Variants in ZNF624 observed in about 807,000 individuals in gnomAD.
The protein encoded by ZNF624 is zinc finger protein 624.
Under a neutral mutation model 74.7 loss-of-function variants are expected in ZNF624, and 43 were observed. The ratio of observed to expected loss-of-function variants is 0.58; its 90% CI spans 0.45 to 0.74. The LOEUF (loss-of-function observed/expected upper bound fraction) is 0.74. Among genes scored for constraint, ZNF624 ranks in the 30% least tolerant of loss-of-function variants. ZNF624 has a pLI of 0.00. For synonymous variants in ZNF624, 331 were observed against 341.3 expected (o/e 0.97, Z 0.33); for missense variants, 820 against 1,030.0 (o/e 0.80, Z 2.79).
chr17:16,638,859 TAATAA>T (rs1287619898), intron 3 of ZNF624, among the ~76,000 whole-genome samples: 4 of 152,142 alleles, frequency 2.6e-5, no homozygotes, highest in African/African-American at 4.8e-5. Context: ...AGTATAACAA[TAATAA>T]AATAAAATAA....
intron 3 of ZNF624, among the ~76,000 whole-genome samples, chr17:16,644,221 A>C (rs1909534587): frequency 6.6e-6 from 1 of 152,210 alleles, no homozygotes; most frequent in South Asian, 2.1e-4. Flanking sequence ...TTCTTTATAA[A>C]TTACCCACTC....
chr17:16,649,158 A>T (rs1462118925), intron 2 of ZNF624, among the ~76,000 whole-genome samples: 3 of 152,214 alleles, frequency 2.0e-5, no homozygotes. Context: ...AGAGCCAAGC[A>T]CTGTCTTAAA....
intron 3 of ZNF624, among the ~76,000 whole-genome samples, chr17:16,635,648 A>G (rs1909311041): frequency 1.3e-5 from 2 of 152,142 alleles, no homozygotes; most frequent in African/African-American, 2.4e-5. Flanking sequence ...CAAAACCACA[A>G]TGTTTTCAGT....
chr17:16,629,591 C>T (rs1196778815), intron 5 of ZNF624, among the ~76,000 whole-genome samples: 1 of 149,594 alleles, frequency 6.7e-6, no homozygotes, highest in Admixed American at 6.7e-5. Context: ...ATTTTGAGAC[C>T]GAGTCTCACT....
At chr17:16,642,678 T>G (rs186584070) in intron 3 of ZNF624, among the ~76,000 whole-genome samples, 647 of 152,256 alleles carry the variant, frequency 4.2e-3, no homozygotes, top group Middle Eastern at 0.02. Flanking sequence ...AGGACTTCAT[T>G]AAAATTAAAA....
At chr17:16,642,504 A>C in intron 3 of ZNF624, among the ~76,000 whole-genome samples, 1 of 152,182 alleles carries the variant, frequency 6.6e-6, no homozygotes, top group Non-Finnish European at 1.5e-5. Context: ...TCAGACCATA[A>C]ACAAAACTTA....
Position 16,623,275 on chromosome 17 carries a change from G to T in ZNF624, c.1611C>A (p.Phe537Leu). 6.2e-7 allele frequency: 1 copy of T among 1,613,826 alleles called. No homozygotes were observed. Among genetic ancestry groups the T allele is most frequent in the Non-Finnish European group, 8.5e-7 (1 of 1,179,826 alleles). Reference sequence around the variant, plus strand: ...GTACAGTAAGGCATGAATAATTAATGAATGCTTTCCCACATTCATTACATT... The same window carrying T: ...GTACAGTAAGGCATGAATAATTAATTAATGCTTTCCCACATTCATTACATT... ...PYKCNECGKA[F>L]INYSCLTVHH... The change falls in exon 6 of 6, where the codon TTC (phenylalanine) becomes TTA (leucine). Residue 537 changes from phenylalanine (F) to leucine (L), a missense_variant. By Grantham distance (22) the Phe-to-Leu change is conservative. Transcript: ENST00000311331. The surrounding 1 kb of genome is among the most constrained non-coding windows in gnomAD (Gnocchi z 5.3).
downstream of ZNF624, chr17:16,616,929 T>C (rs1385719301): frequency 1.3e-6 from 2 of 1,548,290 alleles, no homozygotes; most frequent in African/African-American, 1.4e-5. Flanking sequence ...CTCTTTTTGG[T>C]GGAGGGGACA....
rs567114245 is a variant in ZNF624, at chr17:16,647,448, C to G, written c.88-54G>C. ...GTGATAGGCTGCCTATGACTTACAG[C>G]AGAGCCTCAACAAGCACCACCAATC... On this transcript the variant is annotated intron_variant, in intron 2 of 5. Transcript: ENST00000311331. 6.7e-6 allele frequency: 10 copies of G among 1,490,950 alleles called. No individual in the cohort carries two copies. In the South Asian group the frequency reaches 1.1e-4, roughly 17 times the overall value. 92.4% of individuals were successfully genotyped at this position (1,490,950 alleles called of 1,614,324 possible). A position where few individuals can be genotyped will look rare whatever the true frequency, so the allele number is the denominator to read the frequency against.
rs1394962271 is a variant in ZNF624, at chr17:16,653,850, C to G, written c.-89G>C. ...AATGGCGGCGGCTCGGCGGTGCCGGCCTCCAGGCAGGGCATTGCGCCTGCG... is the reference window on the plus strand; with the variant it reads ...AATGGCGGCGGCTCGGCGGTGCCGGGCTCCAGGCAGGGCATTGCGCCTGCG... On this transcript the variant is annotated 5_prime_UTR_variant, in exon 1 of 6. Coordinates refer to ENST00000311331, the MANE Select transcript of ZNF624 (RefSeq NM_020787.4). 1 of 152,830 alleles carries G rather than the reference C, an allele frequency of 6.5e-6. No homozygotes were observed. Among genetic ancestry groups the G allele is most frequent in the Non-Finnish European group, 1.5e-5 (1 of 68,168 alleles). 9.5% of individuals were successfully genotyped at this position (152,830 alleles called of 1,614,324 possible).
downstream of ZNF624, chr17:16,616,788 G>C (rs1422612195): frequency 1.1e-4 from 97 of 854,944 alleles, no homozygotes; most frequent in East Asian, 2.4e-3. Context: ...ACATGGAAGA[G>C]TAACTGCCTA....
At position 16,622,969 on chromosome 17, in the gene ZNF624, G is replaced by A. The variant is rs775050890; in HGVS notation, c.1917C>T (p.Pro639=). The A allele has an allele frequency of 4.8e-5, 77 of 1,613,850 alleles. No individual in the cohort carries two copies. Among genetic ancestry groups the A allele is most frequent in the Non-Finnish European group, 6.1e-5 (72 of 1,179,956 alleles). Residue 639 remains proline, a synonymous_variant, in exon 6 of 6, where the codon CCC becomes CCT. Transcript: ENST00000311331. The stretch of plus-strand genomic sequence containing the variant: ...ACTTTCCACAGTCATAACATTTATA[G>A]GGTTTCACTCCAGTATGAATTTTCT... ...EHQKIHTGVK[P]YKCYDCGKSF...
At chr17:16,643,725 T>G (rs1909520775) in intron 3 of ZNF624, among the ~76,000 whole-genome samples, 1 of 152,234 alleles carries the variant, frequency 6.6e-6, no homozygotes. Flanking sequence ...AATCTTTTTC[T>G]TCCCTCCCAG....
At chr17:16,635,450 C>T (rs556060438) in intron 3 of ZNF624, among the ~76,000 whole-genome samples, 7 of 151,372 alleles carry the variant, frequency 4.6e-5, no homozygotes, top group Middle Eastern at 3.4e-3. Context: ...ACTTTTGAAC[C>T]ATGTAAATAT....
At chr17:16,615,244 C>T in the ZNF624 span, among the ~76,000 whole-genome samples, 13,179 of 152,122 alleles carry the variant, frequency 0.087, 1,568 homozygotes, top group African/African-American at 0.26. Context: ...AATACAGGCG[C>T]CCACCACCAC....
At position 16,624,169 on chromosome 17, in the gene ZNF624, T is replaced by C. The variant is rs1446379234; in HGVS notation, c.717A>G (p.Thr239=). The change falls in exon 6 of 6, where the codon ACA becomes ACG. Residue 239 remains threonine, a synonymous_variant. Transcript: ENST00000311331. ...ENFTENLNLI[T]DTHLGKIICK... ...AAATTATCTTCCCCAAATGGGTATCTGTAATCAAATTTAAATTCTCTGTGA... is the reference window on the plus strand; with the variant it reads ...AAATTATCTTCCCCAAATGGGTATCCGTAATCAAATTTAAATTCTCTGTGA... 6.2e-7 allele frequency: 1 copy of C among 1,614,078 alleles called. No individual in the cohort carries two copies. The highest frequency in any genetic ancestry group is 8.5e-7 in the Non-Finnish European group (1 of 1,180,046).
chr17:16,616,144 T>A (rs1330181335), downstream of ZNF624, among the ~76,000 whole-genome samples: 3 of 151,536 alleles, frequency 2.0e-5, no homozygotes, highest in East Asian at 3.8e-4. Context: ...CTTCCTTTTT[T>A]TTTTTTAAAT....
downstream of ZNF624, chr17:16,617,048 C>G: frequency 6.2e-7 from 1 of 1,609,982 alleles, no homozygotes; most frequent in South Asian, 1.1e-5. Flanking sequence ...TTGGGGGATC[C>G]GGACCGAGAC....
chr17:16,636,934 T>C (rs926465720), intron 3 of ZNF624, among the ~76,000 whole-genome samples: 1 of 152,178 alleles, frequency 6.6e-6, no homozygotes, highest in African/African-American at 2.4e-5. Flanking sequence ...AGGGAATGTT[T>C]CCAGTTTTTG....
Sources: gnomAD v4.1 joint callset for allele counts (sites outside exome capture counted in the v4.1 genomes callset) on GRCh38, gnomAD v4.1.1 for gene constraint, Gnocchi (gnomAD v3.1) non-coding constraint, MANE v1.5 for transcripts, NCBI Gene and HGNC (gene_info 2026-07-23, HGNC 2026-07-21) for gene names.